The following NOVA2 variants were observed in gnomAD, a reference collection of about 807,000 sequenced individuals.
NOVA2 encodes the protein RNA-binding protein Nova-2.
A neutral mutation model predicts 22.5 loss-of-function variants in NOVA2; 9 were observed. That is an observed-to-expected ratio of 0.40 (90% CI 0.24 to 0.70). The LOEUF is 0.70. Ranked by LOEUF, NOVA2 falls within the 30% of genes least tolerant of loss-of-function variation. NOVA2 has a pLI of 0.38. For synonymous variants in NOVA2, 318 were observed against 335.2 expected (o/e 0.95, Z 0.56); for missense variants, 383 against 682.8 (o/e 0.56, Z 4.89).
At chr19:45,969,220 T>C (rs1251850129) in intron 1 of NOVA2, among the ~76,000 whole-genome samples, 1 of 151,874 alleles carries the variant, frequency 6.6e-6, no homozygotes, top group Non-Finnish European at 1.5e-5. Context: ...GAATGAGGGA[T>C]GTGGCTGGGA....
intron 2 of NOVA2, among the ~76,000 whole-genome samples, chr19:45,956,548 G>A (rs1251425363): frequency 6.6e-6 from 1 of 151,956 alleles, no homozygotes; most frequent in Admixed American, 6.6e-5. Flanking sequence ...TCAGATCACG[G>A]CAACCTCTGC....
At position 45,949,686 on chromosome 19, in the gene NOVA2, T is replaced by G. The variant is rs765382189; in HGVS notation, c.396+4094A>C. 9.9e-5 allele frequency among the ~76,000 whole-genome samples: 15 copies of G among 151,624 alleles called. No individual in the cohort carries two copies. In the South Asian group the frequency reaches 2.7e-3, roughly 27 times the overall value. ...CTGGAAGCCTGCTCTCTGGAGTCAC[T>G]CAGTCAGCAGGGTTGCTGTTTCTAC... On this transcript the variant is annotated intron_variant, in intron 3 of 3. Coordinates refer to ENST00000263257, the MANE Select transcript of NOVA2 (RefSeq NM_002516.4).
intron 1 of NOVA2, chr19:45,962,495 C>G (rs1568671001): frequency 6.6e-6 from 1 of 152,652 alleles, no homozygotes; most frequent in Non-Finnish European, 1.5e-5. Context: ...TCAGTCTCCT[C>G]CCATCATTGC....
intron 3 of NOVA2, among the ~76,000 whole-genome samples, chr19:45,949,231 CTG>C (rs1439828789): frequency 2.7e-5 from 4 of 150,716 alleles, no homozygotes; most frequent in Non-Finnish European, 4.4e-5. Context: ...ATGTACGACT[CTG>C]TGAACATACA....
chr19:45,970,124 C>T (rs1195192920), intron 1 of NOVA2, among the ~76,000 whole-genome samples: 1 of 152,166 alleles, frequency 6.6e-6, no homozygotes, highest in Non-Finnish European at 1.5e-5. Flanking sequence ...GTGACTTAAC[C>T]TCTCTGTGCC....
At chr19:45,946,004 A>G (rs1262897365) in intron 3 of NOVA2, among the ~76,000 whole-genome samples, 1 of 15,284 alleles carries the variant, frequency 6.5e-5, no homozygotes, top group Non-Finnish European at 1.6e-4. Context: ...GACTCCATCT[A>G]AAAAAAAAAA....
chr19:45,947,041 T>C (rs1967852048), intron 3 of NOVA2, among the ~76,000 whole-genome samples: 1 of 152,186 alleles, frequency 6.6e-6, no homozygotes, highest in Non-Finnish European at 1.5e-5. Flanking sequence ...GAAAAAAATC[T>C]ATGCCCTAAC....
chr19:45,957,044 T>C (rs962319798), intron 2 of NOVA2, among the ~76,000 whole-genome samples: 2 of 152,256 alleles, frequency 1.3e-5, no homozygotes, highest in African/African-American at 4.8e-5. Flanking sequence ...AAAAAGAATA[T>C]GAATGTATTA....
chr19:45,952,214 C>G (rs1380064443), intron 3 of NOVA2, among the ~76,000 whole-genome samples: 3 of 152,138 alleles, frequency 2.0e-5, no homozygotes, highest in Non-Finnish European at 4.4e-5. Flanking sequence ...ACTTTCTATG[C>G]ATTATACACA....
At chr19:45,966,833 T>C (rs1434025885) in intron 1 of NOVA2, among the ~76,000 whole-genome samples, 1 of 152,026 alleles carries the variant, frequency 6.6e-6, no homozygotes, top group African/African-American at 2.4e-5. Context: ...GCTGAGATGG[T>C]GCCACTGCAC....
At chr19:45,941,027 C>G in intron 3 of NOVA2, 82 bp from the exon 4 acceptor site, 1 of 1,334,170 alleles carries the variant, frequency 7.5e-7, no homozygotes, top group East Asian at 2.6e-5. Context: ...CGGTGGCTGT[C>G]GCCTGTAATC....
chr19:45,970,061 G>A (rs954669926), intron 1 of NOVA2, among the ~76,000 whole-genome samples: 2 of 152,120 alleles, frequency 1.3e-5, no homozygotes, highest in African/African-American at 4.8e-5. Context: ...GGAGCCAGCC[G>A]CCTAAGTTCA....
intron 3 of NOVA2, among the ~76,000 whole-genome samples, chr19:45,941,975 T>C (rs1353263786): frequency 6.6e-6 from 1 of 152,152 alleles, no homozygotes; most frequent in Non-Finnish European, 1.5e-5. Flanking sequence ...TACTCTGACT[T>C]CCAGCCCTGG....
intron 1 of NOVA2, among the ~76,000 whole-genome samples, chr19:45,972,057 A>C (rs1487238025): frequency 1.3e-5 from 2 of 151,772 alleles, no homozygotes; most frequent in Non-Finnish European, 2.9e-5. Flanking sequence ...AATCATCCCC[A>C]TATCTCTGGT....
In NOVA2 at chr19:45,940,981, A is replaced by AT. The variant is rs776375711; in HGVS notation, c.397-37dup. 9 of 1,529,402 alleles carry AT rather than the reference A, an allele frequency of 5.9e-6. No homozygotes were observed. The Admixed American group carries it at 6.4e-5, about 11-fold the overall frequency. The allele number at this position is 1,529,402 out of a possible 1,614,324, so 94.7% of individuals were successfully genotyped here. A position where few individuals can be genotyped will look rare whatever the true frequency, so the allele number is the denominator to read the frequency against. On this transcript the variant is annotated intron_variant, in intron 3 of 3. Coordinates refer to ENST00000263257, the MANE Select transcript of NOVA2 (RefSeq NM_002516.4). ...AGCAAAAGGGAGGGTCTTTAATTTT[A>AT]TTTTTTTAAAAAATTAAATTAAATT...
intron 3 of NOVA2, among the ~76,000 whole-genome samples, chr19:45,944,156 C>T (rs1422913610): frequency 1.5e-4 from 23 of 152,088 alleles, no homozygotes; most frequent in Admixed American, 1.5e-3. Flanking sequence ...TAAAATTCAC[C>T]TTGGCTGGGT....
chr19:45,960,216 T>C lies in NOVA2; in HGVS notation c.229+794A>G, dbSNP rs541004769. Among the ~76,000 whole-genome samples the C allele has an allele frequency of 3.5e-3, 469 of 135,826 alleles. 1 individual carries two copies. Among genetic ancestry groups the C allele is most frequent in the African/African-American group, 0.014 (446 of 30,980 alleles). 89.1% of individuals were successfully genotyped at this position (135,826 alleles called of 152,430 possible). A position where few individuals can be genotyped will look rare whatever the true frequency, so the allele number is the denominator to read the frequency against. On this transcript the variant is annotated intron_variant, in intron 2 of 3. Coordinates refer to ENST00000263257, the MANE Select transcript of NOVA2 (RefSeq NM_002516.4). ...ACAGGAAGGGAGAGGCAGAAAGAAA[T>C]GTGTGACGCCCGCAGAGGAGGACCT...
At position 45,940,640 on chromosome 19, in the gene NOVA2, G is replaced by C; in HGVS notation, c.702C>G (p.Pro234=). Residue 234 remains proline, a synonymous_variant, in exon 4 of 4, where the codon CCC becomes CCG. Coordinates refer to ENST00000263257, the MANE Select transcript of NOVA2 (RefSeq NM_002516.4). ...CGGCCGCGGCTGGCAGCACATCCGC[G>C]GGGCTGGCGTACGGAGAGCCGGTGG... ...SNPTGSPYAS[P]ADVLPAAAAA... 4 of 1,511,258 alleles carry C rather than the reference G, an allele frequency of 2.6e-6. No homozygotes were observed. The highest frequency in any genetic ancestry group is 1.3e-5 in the South Asian group (1 of 77,224). The allele number at this position is 1,511,258 out of a possible 1,614,324, so 93.6% of individuals were successfully genotyped here.
At position 45,939,260 on chromosome 19, in the gene NOVA2, GAGA is replaced by G. The variant is rs1054069065; in HGVS notation, c.*600_*602del. 6.6e-6 allele frequency: 1 copy of G among 152,200 alleles called. No homozygotes were observed. The highest frequency in any genetic ancestry group is 1.9e-4 in the East Asian group (1 of 5,174). The allele number at this position is 152,200 out of a possible 1,614,324, so 9.4% of individuals were successfully genotyped here. On this transcript the variant is annotated 3_prime_UTR_variant, in exon 4 of 4. Transcript: ENST00000263257. ...CAGCTCCAGTGGGAGGAGAGTAGCT[GAGA>G]AGATCTGGGAACTCTGGGGTCCTTG...
Sources: gnomAD v4.1 joint callset for allele counts (sites outside exome capture counted in the v4.1 genomes callset) on GRCh38, gnomAD v4.1.1 for gene constraint, MANE v1.5 for transcripts, NCBI Gene and HGNC (gene_info 2026-07-23, HGNC 2026-07-21) for gene names.